The following INPP4B variants were observed in gnomAD, a reference collection of about 807,000 sequenced individuals.
INPP4B encodes the protein inositol polyphosphate 4-phosphatase type II.
A neutral mutation model predicts 122.5 loss-of-function variants in INPP4B; 55 were observed. The ratio of observed to expected loss-of-function variants is 0.45; its 90% CI spans 0.36 to 0.56. INPP4B has a LOEUF of 0.56. Among genes scored for constraint, INPP4B ranks in the 20% least tolerant of loss-of-function variants. The pLI is 0.00. For synonymous variants in INPP4B, 403 were observed against 388.7 expected (o/e 1.04, Z -0.43); for missense variants, 1,000 against 1,097.7 (o/e 0.91, Z 1.26).
At chr4:142,624,846 T>C (rs2150390729) in intron 2 of INPP4B, among the ~76,000 whole-genome samples, 2 of 152,266 alleles carry the variant, frequency 1.3e-5, no homozygotes, top group Admixed American at 1.3e-4. Flanking sequence ...TCAATAAATG[T>C]AATCCAGCAT....
intron 15 of INPP4B, among the ~76,000 whole-genome samples, chr4:142,182,649 T>C (rs1831423077): frequency 6.6e-6 from 1 of 151,614 alleles, no homozygotes; most frequent in Admixed American, 6.6e-5. Context: ...TAATGGAGTA[T>C]AAACAACTGA....
chr4:142,484,408 G>T (rs571581906), intron 2 of INPP4B, among the ~76,000 whole-genome samples: 5 of 152,052 alleles, frequency 3.3e-5, no homozygotes, highest in Admixed American at 2.6e-4. Context: ...CTTGTATATA[G>T]CTTATCTTTA....
chr4:142,804,548 C>T (rs559112821), intron 1 of INPP4B, among the ~76,000 whole-genome samples: 1 of 152,304 alleles, frequency 6.6e-6, no homozygotes, highest in African/African-American at 2.4e-5. Flanking sequence ...GTCCTACCCT[C>T]ACTTTGACAC....
intron 3 of INPP4B, among the ~76,000 whole-genome samples, chr4:142,443,841 T>C (rs548412073): frequency 6.7e-6 from 1 of 148,264 alleles, no homozygotes; most frequent in East Asian, 2.0e-4. Flanking sequence ...GAGAAGAAGA[T>C]AAAGGAGAGG....
At position 142,237,245 on chromosome 4, in the gene INPP4B, C is replaced by G. The variant is rs1857071257; in HGVS notation, c.836+619G>C. Among the ~76,000 whole-genome samples, 6 of 152,154 alleles carry G rather than the reference C, an allele frequency of 3.9e-5. No individual in the cohort carries two copies. In the South Asian group the frequency reaches 1.2e-3, roughly 32 times the overall value. On this transcript the variant is annotated intron_variant, in intron 12 of 25. Coordinates refer to ENST00000262992, the MANE Select transcript of INPP4B (RefSeq NM_001101669.3). ...AAGGAGAGTCAAATAGGAATTACTT[C>G]CAGAAACAGCAACCATAAGCAGTTG...
At chr4:142,197,953 C>A (rs984967859) in intron 14 of INPP4B, among the ~76,000 whole-genome samples, 6 of 152,090 alleles carry the variant, frequency 3.9e-5, no homozygotes, top group African/African-American at 1.4e-4. Context: ...ACATCTTAGT[C>A]ACGCTTAGAT....
At chr4:142,711,433 C>T (rs1763106219) in intron 2 of INPP4B, among the ~76,000 whole-genome samples, 1 of 151,964 alleles carries the variant, frequency 6.6e-6, no homozygotes, top group Admixed American at 6.6e-5. Context: ...GCTATATTCC[C>T]AGCATCTAGA....
At chr4:142,199,006 T>C (rs1487305673) in intron 14 of INPP4B, among the ~76,000 whole-genome samples, 3 of 152,070 alleles carry the variant, frequency 2.0e-5, no homozygotes, top group African/African-American at 7.2e-5. Flanking sequence ...TACTTACTTC[T>C]TCCTCTTTCC....
intron 2 of INPP4B, among the ~76,000 whole-genome samples, chr4:142,541,781 C>A (rs1322853120): frequency 1.3e-5 from 2 of 152,090 alleles, no homozygotes; most frequent in African/African-American, 4.8e-5. Flanking sequence ...GCTTCCCCAG[C>A]ACCCAGTTCC....
intron 15 of INPP4B, among the ~76,000 whole-genome samples, chr4:142,180,607 T>G (rs1298313324): frequency 5.9e-5 from 9 of 152,304 alleles, no homozygotes; most frequent in Admixed American, 4.6e-4. Flanking sequence ...AATTGAAGCC[T>G]GAGTAGGTTA....
chr4:142,260,862 A>T (rs1176507792), intron 10 of INPP4B, among the ~76,000 whole-genome samples: 2 of 152,206 alleles, frequency 1.3e-5, no homozygotes, highest in Non-Finnish European at 2.9e-5. Context: ...TAGCACAGTA[A>T]ATCATATTTG....
intron 2 of INPP4B, among the ~76,000 whole-genome samples, chr4:142,510,506 A>T (rs185245628): frequency 1.3e-5 from 2 of 152,352 alleles, no homozygotes; most frequent in Non-Finnish European, 2.9e-5. Flanking sequence ...CAATAAAATA[A>T]TTAAACGCCT....
intron 1 of INPP4B, among the ~76,000 whole-genome samples, chr4:142,754,097 T>G (rs1770140924): frequency 6.6e-6 from 1 of 152,094 alleles, no homozygotes. Context: ...TTTAATGCCG[T>G]AGATGCCAAT....
At chr4:142,483,343 A>C (rs549810196) in intron 2 of INPP4B, among the ~76,000 whole-genome samples, 2 of 152,002 alleles carry the variant, frequency 1.3e-5, no homozygotes, top group Non-Finnish European at 2.9e-5. Context: ...TGTGCTGAAC[A>C]TTCTCAAAAA....
intron 2 of INPP4B, among the ~76,000 whole-genome samples, chr4:142,716,812 A>G (rs1025341080): frequency 2.0e-5 from 3 of 152,208 alleles, no homozygotes; most frequent in East Asian, 1.9e-4. Flanking sequence ...ACCAATTGTA[A>G]TGGTCAGTAG....
intron 9 of INPP4B, among the ~76,000 whole-genome samples, chr4:142,277,866 C>T (rs545453237): frequency 6.6e-6 from 1 of 151,896 alleles, no homozygotes; most frequent in East Asian, 1.9e-4. Context: ...TATGAGGACG[C>T]AAAGGCACAA....
intron 3 of INPP4B, among the ~76,000 whole-genome samples, chr4:142,447,227 G>A (rs1217723657): frequency 6.6e-6 from 1 of 152,102 alleles, no homozygotes; most frequent in Non-Finnish European, 1.5e-5. Flanking sequence ...AGATTTGTGG[G>A]GGCCTCAGTC....
intron 15 of INPP4B, among the ~76,000 whole-genome samples, chr4:142,187,943 C>T (rs377646431): frequency 5.3e-5 from 8 of 151,554 alleles, no homozygotes; most frequent in Admixed American, 2.0e-4. Flanking sequence ...ACAGTTTTGC[C>T]GTTTCAAATT....
chr4:142,347,549 A>G (rs1908968), intron 7 of INPP4B: 107,151 of 432,630 alleles, frequency 0.25, 15,206 homozygotes, highest in East Asian at 0.46. Context: ...TAATCTGTTG[A>G]TCCTGAACTG....
Sources: allele counts gnomAD v4.1 joint callset (sites outside exome capture counted in the v4.1 genomes callset), GRCh38; gene constraint gnomAD v4.1.1; transcripts MANE v1.5; gene names NCBI Gene and HGNC (gene_info 2026-07-23, HGNC 2026-07-21).